Variants in PTPRD observed in about 807,000 individuals in gnomAD.
PTPRD encodes protein tyrosine phosphatase receptor type D.
PTPRD carries 34 observed loss-of-function variants against 214.5 expected under a neutral mutation model. The ratio of observed to expected loss-of-function variants is 0.16; its 90% CI spans 0.12 to 0.21. The LOEUF (loss-of-function observed/expected upper bound fraction) is 0.21. Among genes scored for constraint, PTPRD ranks in the 10% least tolerant of loss-of-function variants. The pLI is 1.00. For missense variants in PTPRD, 2,545 were observed against 2,398.7 expected (o/e 1.06, Z -1.27); for synonymous variants, 1,128 against 845.7 (o/e 1.33, Z -5.79).
intron 9 of PTPRD, among the ~76,000 whole-genome samples, chr9:9,221,972 T>C (rs773198020): frequency 1.3e-5 from 2 of 152,094 alleles, no homozygotes; most frequent in Non-Finnish European, 2.9e-5. Context: ...TGAAGTGATC[T>C]TTATAGACAT....
chr9:9,255,734 C>T (rs1398494660), intron 9 of PTPRD, among the ~76,000 whole-genome samples: 3 of 151,992 alleles, frequency 2.0e-5, no homozygotes, highest in Non-Finnish European at 2.9e-5. Flanking sequence ...GATGATTGAT[C>T]GCAAAACGTA....
intron 14 of PTPRD, among the ~76,000 whole-genome samples, chr9:8,609,950 T>C (rs906110936): frequency 2.0e-5 from 3 of 152,190 alleles, no homozygotes; most frequent in Admixed American, 2.0e-4. Context: ...TCATATTAAG[T>C]TCTGATTACG....
chr9:8,346,030 G>A, intron 39 of PTPRD, among the ~76,000 whole-genome samples: 1 of 151,990 alleles, frequency 6.6e-6, no homozygotes, highest in Non-Finnish European at 1.5e-5. Flanking sequence ...ATTTCAAACT[G>A]TCTTCAAGTT....
rs1010453295 is a variant in PTPRD at position 8,933,347 on chromosome 9, T to G, written c.-104+85350A>C. The stretch of plus-strand genomic sequence containing the variant: ...GCCAGCCACAACCTTGAGGTTTTTT[T>G]TTTTTTTTTTTTTTTTACATAAAAG... On this transcript the variant is annotated intron_variant, in intron 11 of 45. Coordinates refer to ENST00000381196, the MANE Select transcript of PTPRD (RefSeq NM_002839.4). Among the ~76,000 whole-genome samples, 4 of 145,506 alleles carry G rather than the reference T, an allele frequency of 2.7e-5. No homozygotes were observed. The Admixed American group carries it at 2.8e-4, about 10-fold the overall frequency.
At chr9:9,005,501 C>G (rs551150488) in intron 11 of PTPRD, among the ~76,000 whole-genome samples, 17 of 152,060 alleles carry the variant, frequency 1.1e-4, no homozygotes, top group African/African-American at 3.1e-4. Context: ...TGAAATTAAT[C>G]TGCATCCTGA....
chr9:9,806,695 C>G (rs1326041589), intron 5 of PTPRD, among the ~76,000 whole-genome samples: 1 of 152,132 alleles, frequency 6.6e-6, no homozygotes, highest in Non-Finnish European at 1.5e-5. Flanking sequence ...CCTGCTCAGG[C>G]GGTCTCTTAT....
intron 3 of PTPRD, among the ~76,000 whole-genome samples, chr9:10,197,782 A>G (rs924446943): frequency 6.6e-6 from 1 of 152,096 alleles, no homozygotes. Flanking sequence ...CTGGTAGGCC[A>G]TGGGAGGGAT....
At chr9:8,474,297 G>C (rs774619107) in intron 30 of PTPRD, among the ~76,000 whole-genome samples, 1 of 151,984 alleles carries the variant, frequency 6.6e-6, no homozygotes, top group Non-Finnish European at 1.5e-5. Flanking sequence ...CTTTCTCTCA[G>C]GGAAGATTCT....
At chr9:10,106,252 G>C (rs766316346) in intron 3 of PTPRD, among the ~76,000 whole-genome samples, 1 of 151,554 alleles carries the variant, frequency 6.6e-6, no homozygotes, top group Non-Finnish European at 1.5e-5. Flanking sequence ...TATTGTTCTA[G>C]GACCTCCTAG....
At chr9:9,874,704 T>G (rs1320759083) in intron 5 of PTPRD, among the ~76,000 whole-genome samples, 1 of 152,176 alleles carries the variant, frequency 6.6e-6, no homozygotes, top group Admixed American at 6.6e-5. Context: ...ATTAAATGAT[T>G]TATTTATTAC....
At chr9:10,449,687 C>T (rs1759776300) in intron 2 of PTPRD, among the ~76,000 whole-genome samples, 1 of 145,980 alleles carries the variant, frequency 6.9e-6, no homozygotes, top group East Asian at 2.0e-4. Flanking sequence ...GCCCGGCCGC[C>T]CCGTCTGAGA....
chr9:9,747,792 A>T (rs570567425), intron 6 of PTPRD, among the ~76,000 whole-genome samples: 15 of 152,202 alleles, frequency 9.9e-5, no homozygotes, highest in African/African-American at 3.6e-4. Context: ...ACCTCAGGTG[A>T]TCTACCTGCC....
intron 12 of PTPRD, among the ~76,000 whole-genome samples, chr9:8,670,522 T>G (rs1295384006): frequency 6.6e-6 from 1 of 152,250 alleles, no homozygotes; most frequent in Non-Finnish European, 1.5e-5. Context: ...ATATGTGAGA[T>G]GACAGATGTT....
intron 5 of PTPRD, among the ~76,000 whole-genome samples, chr9:9,933,734 G>C (rs1347918682): frequency 2.7e-5 from 4 of 147,488 alleles, no homozygotes; most frequent in Admixed American, 2.7e-4. Flanking sequence ...GGACCTAATA[G>C]ACATCTACAG....
intron 11 of PTPRD, among the ~76,000 whole-genome samples, chr9:8,925,449 G>C (rs1392494093): frequency 6.6e-6 from 1 of 151,782 alleles, no homozygotes; most frequent in Non-Finnish European, 1.5e-5. Flanking sequence ...TGAAACATAA[G>C]ACACAGCTGT....
At chr9:9,239,821 C>A (rs148392013) in intron 9 of PTPRD, among the ~76,000 whole-genome samples, 1 of 152,158 alleles carries the variant, frequency 6.6e-6, no homozygotes, top group Non-Finnish European at 1.5e-5. Flanking sequence ...TGACCTCTAT[C>A]CTTTGGCTTG....
intron 3 of PTPRD, among the ~76,000 whole-genome samples, chr9:10,236,919 T>C (rs551181378): frequency 3.6e-4 from 54 of 152,040 alleles, no homozygotes; most frequent in Non-Finnish European, 6.2e-4. Context: ...AAAAATATTA[T>C]TCTTTGGTGG....
chr9:10,175,899 G>C (rs1049422049), intron 3 of PTPRD, among the ~76,000 whole-genome samples: 2 of 151,890 alleles, frequency 1.3e-5, no homozygotes, highest in Non-Finnish European at 2.9e-5. Context: ...GATACAATAA[G>C]ACATAAAGGA....
intron 11 of PTPRD, among the ~76,000 whole-genome samples, chr9:8,837,612 T>G (rs2097460545): frequency 1.3e-5 from 2 of 152,162 alleles, no homozygotes; most frequent in African/African-American, 4.8e-5. Flanking sequence ...TTCTTCCACC[T>G]TAGCCTCTCA....
Sources: allele counts gnomAD v4.1 joint callset (sites outside exome capture counted in the v4.1 genomes callset), GRCh38; gene constraint gnomAD v4.1.1; transcripts MANE v1.5; gene names NCBI Gene and HGNC (gene_info 2026-07-23, HGNC 2026-07-21).